Variants in SHISA9 observed in about 807,000 individuals in gnomAD.
SHISA9 encodes the protein shisa family member 9, also known as protein shisa-9.
A neutral mutation model predicts 38.0 loss-of-function variants in SHISA9; 13 were observed. The ratio of observed to expected loss-of-function variants is 0.34; its 90% confidence interval spans 0.22 to 0.54. SHISA9 has a LOEUF of 0.54. Among genes scored for constraint, SHISA9 ranks in the 20% least tolerant of loss-of-function variants. SHISA9 has a pLI of 0.91. For missense variants in SHISA9, 538 were observed against 575.8 expected, an observed-to-expected ratio of 0.93 and a Z score of 0.67; for synonymous variants, 275 against 242.0, an observed-to-expected ratio of 1.14 and a Z score of -1.27.
At chr16:13,557,764 A>G in the SHISA9 span, among the ~76,000 whole-genome samples, 1,350 of 152,234 alleles carry the variant, frequency 8.9e-3, 24 homozygotes, top group African/African-American at 0.031. Context: ...AAGGAGATGA[A>G]CGTGACTGTG....
rs570586402 is a variant in SHISA9 at position 12,943,619 on chromosome 16, G to A, written c.691+26804G>A. Among the ~76,000 whole-genome samples, 3 of 152,174 alleles carry A rather than the reference G, an allele frequency of 2.0e-5. No homozygotes were observed. The East Asian group carries it at 5.8e-4, about 29-fold the overall frequency. On this transcript the variant is annotated intron_variant, in intron 2 of 4. Coordinates refer to ENST00000558583, the MANE Select transcript of SHISA9 (RefSeq NM_001145204.3). ...ATCTCTCCTTACAGAAGGAGGGTAG[G>A]GTTGATTAGAGGTAACAGTCAGGAA...
chr16:13,475,271 T>G, the SHISA9 span, among the ~76,000 whole-genome samples: 1 of 151,594 alleles, frequency 6.6e-6, no homozygotes, highest in Non-Finnish European at 1.5e-5. Flanking sequence ...GATGTTAGGG[T>G]TTTGCCTAAG....
chr16:12,918,986 A>G (rs2071293731), intron 2 of SHISA9, among the ~76,000 whole-genome samples: 2 of 152,226 alleles, frequency 1.3e-5, no homozygotes, highest in Admixed American at 6.5e-5. Flanking sequence ...GCCGACAGTA[A>G]TAACAGATTT....
At chr16:13,324,093 C>A in the SHISA9 span, among the ~76,000 whole-genome samples, 2 of 152,216 alleles carry the variant, frequency 1.3e-5, no homozygotes, top group Admixed American at 1.3e-4. Flanking sequence ...ATCTGCTCCC[C>A]CTTTGCCTTC....
intron 2 of SHISA9, among the ~76,000 whole-genome samples, chr16:13,036,203 C>A (rs1017358095): frequency 4.6e-5 from 7 of 152,188 alleles, no homozygotes; most frequent in African/African-American, 1.7e-4. Flanking sequence ...TTCAGAGTAG[C>A]TTTATTTGTA....
At chr16:13,402,857 G>A in the SHISA9 span, among the ~76,000 whole-genome samples, 4 of 152,178 alleles carry the variant, frequency 2.6e-5, no homozygotes, top group Admixed American at 1.3e-4. Flanking sequence ...AGTGGCTCAC[G>A]CCAGTCATTC....
At chr16:13,477,564 C>G in the SHISA9 span, among the ~76,000 whole-genome samples, 1 of 152,186 alleles carries the variant, frequency 6.6e-6, no homozygotes, top group Non-Finnish European at 1.5e-5. Context: ...AAAGGCAAGT[C>G]ATTTCAAAGC....
At chr16:12,905,937 A>G (rs548114613) in intron 1 of SHISA9, among the ~76,000 whole-genome samples, 1 of 152,296 alleles carries the variant, frequency 6.6e-6, no homozygotes, top group East Asian at 1.9e-4. Flanking sequence ...CAACGTATGT[A>G]ACTTTTCTGT....
At chr16:12,989,149 A>T (rs1343658361) in intron 2 of SHISA9, among the ~76,000 whole-genome samples, 1 of 151,944 alleles carries the variant, frequency 6.6e-6, no homozygotes, top group East Asian at 1.9e-4. Context: ...AGAAATGAAA[A>T]CTGCTTCTTT....
At chr16:13,561,399 T>G in the SHISA9 span, among the ~76,000 whole-genome samples, 1 of 152,100 alleles carries the variant, frequency 6.6e-6, no homozygotes, top group African/African-American at 2.4e-5. Context: ...CCAGAGAGAT[T>G]CCCATAACTT....
chr16:13,083,888 G>A (rs908226263), intron 2 of SHISA9, among the ~76,000 whole-genome samples: 6 of 152,126 alleles, frequency 3.9e-5, no homozygotes, highest in South Asian at 2.1e-4. Context: ...GGGCACCAAC[G>A]GTATCCACCA....
chr16:12,970,390 T>TGTATATATATAC (rs1567356983), intron 2 of SHISA9, among the ~76,000 whole-genome samples: 1 of 9,122 alleles, frequency 1.1e-4, no homozygotes, highest in Non-Finnish European at 2.2e-4. Flanking sequence ...TACATATATG[T>TGTATATATATAC]ATATATATAT....
the SHISA9 span, among the ~76,000 whole-genome samples, chr16:13,278,589 C>T: frequency 6.6e-6 from 1 of 152,076 alleles, no homozygotes; most frequent in East Asian, 1.9e-4. Flanking sequence ...ATTTCAATCT[C>T]ACTGTTTGTT....
At chr16:13,126,249 A>G (rs995472196) in intron 2 of SHISA9, among the ~76,000 whole-genome samples, 2 of 152,128 alleles carry the variant, frequency 1.3e-5, no homozygotes, top group African/African-American at 4.8e-5. Flanking sequence ...CAATTCCTCT[A>G]TCATAACGCT....
At chr16:13,015,858 C>CTTTG (rs879889298) in intron 2 of SHISA9, among the ~76,000 whole-genome samples, 18,664 of 56,650 alleles carry the variant, frequency 0.33, 2,105 homozygotes, top group Non-Finnish European at 0.41. Context: ...CTTTCCCTTT[C>CTTTG]TTTCTTTCTT....
chr16:13,506,811 G>T, the SHISA9 span, among the ~76,000 whole-genome samples: 1 of 152,036 alleles, frequency 6.6e-6, no homozygotes, highest in East Asian at 1.9e-4. Context: ...GAGGCAGCAG[G>T]AGCCCTTGAG....
the SHISA9 span, among the ~76,000 whole-genome samples, chr16:13,282,330 G>T: frequency 6.6e-6 from 1 of 151,584 alleles, no homozygotes; most frequent in Non-Finnish European, 1.5e-5. Context: ...TTTTGTTATT[G>T]TTTCTGGCCT....
intron 2 of SHISA9, among the ~76,000 whole-genome samples, chr16:13,019,769 TTTCTTTCTTTC>T (rs2072802552): frequency 1.0e-4 from 3 of 30,056 alleles, no homozygotes; most frequent in African/African-American, 5.1e-4. Context: ...CTTTCTTTTC[TTTCTTTCTTTC>T]TTTCTTTCTT....
the SHISA9 span, among the ~76,000 whole-genome samples, chr16:13,253,497 G>A: frequency 5.9e-4 from 90 of 152,316 alleles, no homozygotes; most frequent in African/African-American, 2.1e-3. Context: ...CGTGGCTGGG[G>A]AGGCCTCACA....
Sources: allele counts gnomAD v4.1 joint callset (sites outside exome capture counted in the v4.1 genomes callset), GRCh38; gene constraint gnomAD v4.1.1; transcripts MANE v1.5; gene names NCBI Gene and HGNC (gene_info 2026-07-23, HGNC 2026-07-21).